The following DLGAP2 variants were observed in gnomAD, a reference collection of about 807,000 sequenced individuals.
DLGAP2 encodes DLG associated protein 2.
In DLGAP2, 26 loss-of-function variants were observed where a neutral mutation model predicts 100.3. That is an observed-to-expected ratio of 0.26 (90% confidence interval 0.19 to 0.36). DLGAP2 has a LOEUF of 0.36. Ranked by LOEUF, DLGAP2 falls within the 10% of genes least tolerant of loss-of-function variation. DLGAP2 has a pLI of 1.00. For synonymous variants in DLGAP2, 886 were observed against 630.1 expected, an observed-to-expected ratio of 1.41 and a Z score of -6.08; for missense variants, 1,858 against 1,453.2, an observed-to-expected ratio of 1.28 and a Z score of -4.53.
intron 3 of DLGAP2, among the ~76,000 whole-genome samples, chr8:1,319,232 T>C (rs1201481914): frequency 6.6e-6 from 1 of 152,160 alleles, no homozygotes; most frequent in Non-Finnish European, 1.5e-5. Flanking sequence ...AGTGAACTGC[T>C]AAGTTCTCAG....
intron 8 of DLGAP2, among the ~76,000 whole-genome samples, chr8:1,645,657 A>G (rs1798023985): frequency 1.3e-5 from 2 of 152,240 alleles, no homozygotes; most frequent in East Asian, 1.9e-4. Flanking sequence ...TATCCAGACA[A>G]TAATCTTACA....
chr8:1,487,368 A>C (rs930960039), intron 3 of DLGAP2, among the ~76,000 whole-genome samples: 3 of 152,236 alleles, frequency 2.0e-5, no homozygotes, highest in African/African-American at 2.4e-5. Flanking sequence ...AGGGAAGAAA[A>C]CAACCAACCA....
At chr8:972,516 T>TA (rs1800038053) in intron 2 of DLGAP2, among the ~76,000 whole-genome samples, 1 of 152,232 alleles carries the variant, frequency 6.6e-6, no homozygotes, top group African/African-American at 2.4e-5. Flanking sequence ...TTTGATGGTC[T>TA]AATCATTAGA....
At chr8:1,106,387 G>A (rs1804770385) in intron 2 of DLGAP2, among the ~76,000 whole-genome samples, 1 of 150,592 alleles carries the variant, frequency 6.6e-6, no homozygotes, top group Non-Finnish European at 1.5e-5. Context: ...ATTGAGGGGA[G>A]CCATTCTAGG....
At chr8:1,464,059 C>T (rs1169337389) in intron 3 of DLGAP2, among the ~76,000 whole-genome samples, 4 of 152,186 alleles carry the variant, frequency 2.6e-5, no homozygotes, top group South Asian at 2.1e-4. Flanking sequence ...CACTGAATGT[C>T]GCAACAGCCG....
At chr8:1,170,783 T>C (rs1797112537) in intron 2 of DLGAP2, among the ~76,000 whole-genome samples, 1 of 149,768 alleles carries the variant, frequency 6.7e-6, no homozygotes, top group African/African-American at 2.5e-5. Context: ...TTTTTTTCTT[T>C]ATTAGTCTTG....
intron 2 of DLGAP2, among the ~76,000 whole-genome samples, chr8:1,177,466 G>A (rs1011481663): frequency 6.6e-6 from 1 of 152,070 alleles, no homozygotes; most frequent in African/African-American, 2.4e-5. Context: ...GCAGATGCAC[G>A]AGACCCGATT....
At chr8:864,593 C>A (rs912346610) in intron 1 of DLGAP2, among the ~76,000 whole-genome samples, 3 of 152,112 alleles carry the variant, frequency 2.0e-5, no homozygotes, top group Non-Finnish European at 4.4e-5. Flanking sequence ...CCACATGATA[C>A]GATATTTTAA....
chr8:857,663 C>A (rs562428941), intron 1 of DLGAP2, among the ~76,000 whole-genome samples: 3 of 152,280 alleles, frequency 2.0e-5, no homozygotes, highest in African/African-American at 4.8e-5. Flanking sequence ...AAGATCCAGA[C>A]ACTGGCAACA....
In DLGAP2 at chr8:1,559,355, T is replaced by A. The variant is rs2906576; in HGVS notation, c.1231-6328T>A. ...TGGGCTGAGGGCTGCAGGGTTCGAA[T>A]GCTGTAACATAACGGAGAGAGATTT... On this transcript the variant is annotated intron_variant, in intron 5 of 14. Coordinates refer to ENST00000637795, the MANE Select transcript of DLGAP2 (RefSeq NM_001346810.2). 5.9e-3 allele frequency among the ~76,000 whole-genome samples: 891 copies of A among 152,156 alleles called. 10 individuals are homozygous for A. Among genetic ancestry groups the A allele is most frequent in the African/African-American group, 0.02 (843 of 41,498 alleles).
At chr8:1,466,724 C>A (rs987089736) in intron 3 of DLGAP2, among the ~76,000 whole-genome samples, 8 of 152,090 alleles carry the variant, frequency 5.3e-5, no homozygotes, top group African/African-American at 1.9e-4. Context: ...CCATGCAGCT[C>A]TCAGTGAGAG....
At chr8:1,023,929 C>T (rs1414888183) in intron 2 of DLGAP2, among the ~76,000 whole-genome samples, 7 of 141,404 alleles carry the variant, frequency 5.0e-5, no homozygotes, top group Middle Eastern at 3.6e-3. Context: ...TGCAAAATCC[C>T]GGCTGCTGCT....
At chr8:823,057 G>A (rs929179471) in intron 1 of DLGAP2, among the ~76,000 whole-genome samples, 5 of 151,900 alleles carry the variant, frequency 3.3e-5, no homozygotes, top group Admixed American at 6.6e-5. Flanking sequence ...TAAATTTCAG[G>A]GGGGGCCATG....
intron 2 of DLGAP2, among the ~76,000 whole-genome samples, chr8:1,110,366 G>A (rs961345894): frequency 2.7e-5 from 4 of 149,930 alleles, no homozygotes; most frequent in Non-Finnish European, 3.0e-5. Context: ...GGTCTGTGAT[G>A]TGTGCATGTG....
Position 1,501,512 on chromosome 8 carries a change from C to G in DLGAP2, c.172+81C>G, listed in dbSNP as rs570351811. On this transcript the variant is annotated intron_variant, in intron 4 of 14. Coordinates refer to ENST00000637795, the MANE Select transcript of DLGAP2 (RefSeq NM_001346810.2). ...TCCGGGCACCTCCCATCATGCGGAC[C>G]GTCCCACAAACACACGTTAGCATGT... The G allele has an allele frequency of 6.6e-6, 9 of 1,359,446 alleles. No homozygotes were observed. The East Asian group carries it at 1.0e-4, about 15-fold the overall frequency. 84.2% of individuals were successfully genotyped at this position (1,359,446 alleles called of 1,614,324 possible). A position where few individuals can be genotyped will look rare whatever the true frequency, so the allele number is the denominator to read the frequency against.
intron 2 of DLGAP2, among the ~76,000 whole-genome samples, chr8:1,059,739 A>C (rs550140475): frequency 1.1e-3 from 162 of 152,246 alleles, no homozygotes; most frequent in South Asian, 3.1e-3. Flanking sequence ...GGCGTGAGGC[A>C]GGTGAGGGAA....
chr8:1,555,865 G>C (rs1801946994), intron 5 of DLGAP2, among the ~76,000 whole-genome samples: 1 of 152,250 alleles, frequency 6.6e-6, no homozygotes, highest in Non-Finnish European at 1.5e-5. Context: ...GGCTAGCCTT[G>C]TGTCTGGTAA....
chr8:741,406 C>T (rs1820480455), intron 1 of DLGAP2, among the ~76,000 whole-genome samples: 1 of 152,206 alleles, frequency 6.6e-6, no homozygotes, highest in South Asian at 2.1e-4. Flanking sequence ...TGTGCACTGA[C>T]TTCATCTGCC....
chr8:1,134,647 A>C (rs1029225141), intron 2 of DLGAP2, among the ~76,000 whole-genome samples: 1 of 152,218 alleles, frequency 6.6e-6, no homozygotes, highest in Non-Finnish European at 1.5e-5. Context: ...GCTATAAAGA[A>C]CTGCCTGAGA....
Sources: gnomAD v4.1 joint callset for allele counts (sites outside exome capture counted in the v4.1 genomes callset) on GRCh38, gnomAD v4.1.1 for gene constraint, MANE v1.5 for transcripts, NCBI Gene and HGNC (gene_info 2026-07-23, HGNC 2026-07-21) for gene names.